RBFOX1: variants seen among roughly 807,000 people sequenced by gnomAD.
The protein encoded by RBFOX1 is RNA binding protein fox-1 homolog 1.
In RBFOX1, 8 loss-of-function variants were observed where a neutral mutation model predicts 57.7. That is an observed-to-expected ratio of 0.14 (90% CI 0.08 to 0.25). RBFOX1 has a LOEUF of 0.25. RBFOX1 is among the 10% of genes least tolerant of loss of function. RBFOX1 has a pLI of 1.00. For synonymous variants in RBFOX1, 326 were observed against 222.4 expected (o/e 1.47, Z -4.15); for missense variants, 611 against 548.5 (o/e 1.11, Z -1.14).
intron 3 of RBFOX1, among the ~76,000 whole-genome samples, chr16:6,799,273 T>C (rs1205991639): frequency 6.6e-6 from 1 of 152,098 alleles, no homozygotes; most frequent in Non-Finnish European, 1.5e-5. Context: ...ACAGGCCGAG[T>C]AGCACTCCTG....
chr16:7,559,584 G>A (rs1427372017), intron 5 of RBFOX1, among the ~76,000 whole-genome samples: 1 of 152,142 alleles, frequency 6.6e-6, no homozygotes, highest in Non-Finnish European at 1.5e-5. Context: ...CCTGATACAC[G>A]AGACACCCAA....
At chr16:6,540,924 G>A (rs1426024385) in intron 2 of RBFOX1, among the ~76,000 whole-genome samples, 4 of 152,022 alleles carry the variant, frequency 2.6e-5, no homozygotes, top group Non-Finnish European at 5.9e-5. Context: ...TTGGAGTTGA[G>A]GTCTGGGATT....
chr16:7,505,751 C>T (rs2073063714), intron 4 of RBFOX1, among the ~76,000 whole-genome samples: 1 of 152,232 alleles, frequency 6.6e-6, no homozygotes, highest in Admixed American at 6.5e-5. Context: ...CATCCTCTCT[C>T]TGTGCTTCCC....
chr16:7,067,347 C>T (rs553000200), intron 4 of RBFOX1, among the ~76,000 whole-genome samples: 2 of 151,918 alleles, frequency 1.3e-5, no homozygotes, highest in African/African-American at 2.4e-5. Context: ...ATTTACTATT[C>T]TGCAGTTCTT....
intron 1 of RBFOX1, among the ~76,000 whole-genome samples, chr16:6,034,849 G>C (rs2095344202): frequency 6.6e-6 from 1 of 152,146 alleles, no homozygotes; most frequent in Admixed American, 6.5e-5. Flanking sequence ...TGTGGGGGCT[G>C]AGAGACCTCA....
chr16:6,606,942 C>A (rs1033143127), intron 2 of RBFOX1, among the ~76,000 whole-genome samples: 3 of 152,198 alleles, frequency 2.0e-5, no homozygotes, highest in Non-Finnish European at 1.5e-5. Flanking sequence ...CACTGTCTTT[C>A]ACAATGGTTG....
At chr16:5,595,245 A>G (rs907681999) in intron 2 of RBFOX1, among the ~76,000 whole-genome samples, 2 of 152,152 alleles carry the variant, frequency 1.3e-5, no homozygotes, top group African/African-American at 2.4e-5. Context: ...TTCTAATGCC[A>G]CCTCTGGGAG....
intron 2 of RBFOX1, among the ~76,000 whole-genome samples, chr16:5,548,669 C>T (rs2045333378): frequency 6.6e-6 from 1 of 151,736 alleles, no homozygotes; most frequent in African/African-American, 2.4e-5. Context: ...TAAAAAAAAA[C>T]TAAAAAAATT....
intron 1 of RBFOX1, among the ~76,000 whole-genome samples, chr16:6,096,663 C>T (rs180725007): frequency 2.0e-5 from 3 of 152,286 alleles, no homozygotes; most frequent in African/African-American, 7.2e-5. Flanking sequence ...ATCAATCTTA[C>T]AGTTTATCAT....
At chr16:6,143,338 T>A (rs542552878) in intron 1 of RBFOX1, among the ~76,000 whole-genome samples, 1 of 152,354 alleles carries the variant, frequency 6.6e-6, no homozygotes, top group Admixed American at 6.5e-5. Context: ...GTGTACCAGA[T>A]GAGAAGTGCT....
At chr16:7,161,759 A>G (rs2078372441) in intron 4 of RBFOX1, among the ~76,000 whole-genome samples, 1 of 152,214 alleles carries the variant, frequency 6.6e-6, no homozygotes, top group Non-Finnish European at 1.5e-5. Context: ...ATCTTGCAAG[A>G]ATACAAACCA....
chr16:6,923,247 A>C (rs997084359), intron 3 of RBFOX1, among the ~76,000 whole-genome samples: 1 of 152,146 alleles, frequency 6.6e-6, no homozygotes, highest in South Asian at 2.1e-4. Context: ...TAGATGTGGT[A>C]TCCTGGCCAG....
At chr16:6,388,673 G>A (rs900928239) in intron 2 of RBFOX1, among the ~76,000 whole-genome samples, 1 of 152,152 alleles carries the variant, frequency 6.6e-6, no homozygotes. Flanking sequence ...CTAGGAGTTT[G>A]AGGCTGCAGG....
intron 3 of RBFOX1, among the ~76,000 whole-genome samples, chr16:6,812,071 G>A (rs964649232): frequency 6.6e-6 from 1 of 152,042 alleles, no homozygotes; most frequent in South Asian, 2.1e-4. Flanking sequence ...ACCATATAAA[G>A]TTGTATTATC....
intron 4 of RBFOX1, among the ~76,000 whole-genome samples, chr16:7,413,852 T>C (rs9921978): frequency 6.6e-6 from 1 of 152,112 alleles, no homozygotes; most frequent in South Asian, 2.1e-4. Flanking sequence ...TAAATTGAGG[T>C]TGATGAGACT....
At chr16:5,443,714 G>A (rs2068155832) in intron 1 of RBFOX1, among the ~76,000 whole-genome samples, 1 of 152,128 alleles carries the variant, frequency 6.6e-6, no homozygotes, top group Non-Finnish European at 1.5e-5. Flanking sequence ...TGTTTACTCT[G>A]GGTCAGGGAC....
At chr16:5,245,918 T>A (rs2062287815) in intron 1 of RBFOX1, among the ~76,000 whole-genome samples, 1 of 152,208 alleles carries the variant, frequency 6.6e-6, no homozygotes, top group East Asian at 1.9e-4. Context: ...AGAAATAATC[T>A]GTGTTTTAAT....
chr16:7,609,704 C>T (rs969765990), intron 10 of RBFOX1, among the ~76,000 whole-genome samples: 1 of 152,176 alleles, frequency 6.6e-6, no homozygotes, highest in African/African-American at 2.4e-5. Flanking sequence ...GGTATTACTG[C>T]TCTGAGATTT....
chr16:5,279,796 G>A (rs1346793245), intron 1 of RBFOX1, among the ~76,000 whole-genome samples: 8 of 152,190 alleles, frequency 5.3e-5, no homozygotes, highest in Middle Eastern at 3.4e-3. Context: ...GCCACCTTGC[G>A]CAGCCTAATT....
Sources: gnomAD v4.1 joint callset for allele counts (sites outside exome capture counted in the v4.1 genomes callset) on GRCh38, gnomAD v4.1.1 for gene constraint, MANE v1.5 for transcripts, NCBI Gene and HGNC (gene_info 2026-07-23, HGNC 2026-07-21) for gene names.